Variants in NCEH1 observed in about 807,000 individuals in gnomAD.
NCEH1 encodes 2-acetyl MAGE hydrolase.
A neutral mutation model predicts 25.4 loss-of-function variants in NCEH1; 9 were observed. The ratio of observed to expected loss-of-function variants is 0.35; its 90% CI spans 0.21 to 0.62. NCEH1 has a LOEUF of 0.62. Among genes scored for constraint, NCEH1 ranks in the 20% least tolerant of loss-of-function variants. The pLI, the probability that NCEH1 is intolerant of heterozygous loss-of-function variation, is 0.72. For synonymous variants in NCEH1, 200 were observed against 199.8 expected (o/e 1.00, Z -0.01); for missense variants, 412 against 501.1 (o/e 0.82, Z 1.70).
At chr3:172,710,710 G>T in intron 1 of NCEH1, 137 bp downstream of exon 1, 2 of 903,764 alleles carry the variant, frequency 2.2e-6, no homozygotes, top group Non-Finnish European at 3.4e-6. Flanking sequence ...TTCCCGACTG[G>T]ACCACCTCAA....
chr3:172,705,975 G>T (rs930266896), intron 1 of NCEH1, among the ~76,000 whole-genome samples: 1 of 146,220 alleles, frequency 6.8e-6, no homozygotes, highest in Non-Finnish European at 1.5e-5. Context: ...TCCAGCCTGG[G>T]TGACACAGTG....
chr3:172,668,146 T>G (rs568942688), intron 1 of NCEH1, among the ~76,000 whole-genome samples: 1 of 152,184 alleles, frequency 6.6e-6, no homozygotes, highest in Non-Finnish European at 1.5e-5. Flanking sequence ...CTCACTGCAG[T>G]TGAAGAGCAG....
intron 1 of NCEH1, among the ~76,000 whole-genome samples, chr3:172,667,063 G>A (rs972637186): frequency 1.2e-4 from 18 of 152,154 alleles, no homozygotes; most frequent in African/African-American, 4.3e-4. Flanking sequence ...GTCCTTTGCT[G>A]TACACTGCAA....
Position 172,633,594 on chromosome 3 carries a change from G to C in NCEH1, c.1108C>G (p.Leu370Val), listed in dbSNP as rs1452576187. Reference sequence around the variant, plus strand: ...TGAAAGCCATCCTCAAAGTGATCCAGGGTCACCTCCACACCGGCACTCTCC... The same window carrying C: ...TGAAAGCCATCCTCAAAGTGATCCACGGTCACCTCCACACCGGCACTCTCC... ...RLESAGVEVT[L>V]DHFEDGFHGC... is the part of the protein sequence containing the mutation. Residue 370 changes from leucine to valine, a missense_variant, in exon 5 of 5, where the codon CTG becomes GTG. By Grantham distance (32) the Leu-to-Val change is conservative. Around this residue, in one of 3 missense-constraint regions of NCEH1, gnomAD observed 210 missense variants for 258.2 expected, o/e 0.81. Coordinates refer to ENST00000475381, the MANE Select transcript of NCEH1 (RefSeq NM_020792.6). 7 of 1,614,022 alleles carry C rather than the reference G, an allele frequency of 4.3e-6. No individual in the cohort carries two copies. In the African/African-American group the frequency reaches 9.3e-5, roughly 22 times the overall value.
rs377139864 is a variant in NCEH1, at chr3:172,648,758, A to G, written c.139-644T>C. On this transcript the variant is annotated intron_variant, in intron 1 of 4. Transcript: ENST00000475381. The stretch of plus-strand genomic sequence containing the variant: ...TATAACCAGAAGCTTTTTAGAAATG[A>G]GGCAAAGACCATACTGCCTGATGGT... 3.3e-5 allele frequency among the ~76,000 whole-genome samples: 5 copies of G among 152,316 alleles called. No individual in the cohort carries two copies. In the East Asian group the frequency reaches 9.7e-4, roughly 29 times the overall value.
intron 3 of NCEH1, among the ~76,000 whole-genome samples, chr3:172,638,861 T>C (rs1455659418): frequency 6.6e-6 from 1 of 152,178 alleles, no homozygotes; most frequent in Non-Finnish European, 1.5e-5. Context: ...TTGGCTTATA[T>C]AATAGGATAA....
intron 3 of NCEH1, among the ~76,000 whole-genome samples, chr3:172,637,663 C>G (rs1314070487): frequency 6.6e-6 from 1 of 151,996 alleles, no homozygotes; most frequent in Non-Finnish European, 1.5e-5. Flanking sequence ...CAGAGGCAGT[C>G]AGATCACCTG....
chr3:172,660,198 T>C (rs1717909301), intron 1 of NCEH1, among the ~76,000 whole-genome samples: 1 of 147,674 alleles, frequency 6.8e-6, no homozygotes. Flanking sequence ...ATTGTTCAAT[T>C]CCCATCTATG....
chr3:172,710,815 GAA>G (rs1029071573), intron 1 of NCEH1, 30 bp downstream of exon 1: 71 of 1,611,248 alleles, frequency 4.4e-5, no homozygotes, highest in Non-Finnish European at 5.3e-5. Flanking sequence ...GTAAGAGGAG[GAA>G]GAGAGAAGCA....
intron 1 of NCEH1, among the ~76,000 whole-genome samples, chr3:172,656,389 G>A (rs571887751): frequency 2.6e-5 from 4 of 152,138 alleles, no homozygotes; most frequent in Non-Finnish European, 5.9e-5. Context: ...ATTTATAGAC[G>A]GCAAGGAGGC....
In NCEH1 at chr3:172,633,084, G is replaced by A. The variant is rs78376688; in HGVS notation, c.*391C>T. The A allele has an allele frequency of 2.4e-3, 463 of 191,256 alleles. 2 individuals are homozygous for A. The highest frequency in any genetic ancestry group is 0.011 in the African/African-American group (449 of 42,144). 11.8% of individuals were successfully genotyped at this position (191,256 alleles called of 1,614,324 possible). On this transcript the variant is annotated 3_prime_UTR_variant, in exon 5 of 5. Coordinates refer to ENST00000475381, the MANE Select transcript of NCEH1 (RefSeq NM_020792.6). ...ACTCTAGCAGAATTAAGGAGTCCTC[G>A]TTTTTTTAACTTATTAAAGGTCACT...
intron 2 of NCEH1, among the ~76,000 whole-genome samples, chr3:172,647,607 T>A (rs1419805188): frequency 6.6e-6 from 1 of 152,180 alleles, no homozygotes; most frequent in Non-Finnish European, 1.5e-5. Flanking sequence ...TCATAGGAAA[T>A]ATTTTTACAA....
intron 4 of NCEH1, 65 bp from the exon 5 acceptor site, chr3:172,634,157 T>G: frequency 6.8e-7 from 1 of 1,465,014 alleles, no homozygotes; most frequent in East Asian, 2.3e-5. Flanking sequence ...AACCATACCC[T>G]GTAGAGTAGC....
intron 1 of NCEH1, among the ~76,000 whole-genome samples, chr3:172,679,085 A>C (rs1712193878): frequency 6.6e-6 from 1 of 152,176 alleles, no homozygotes; most frequent in Non-Finnish European, 1.5e-5. Context: ...ACTGGCTAGC[A>C]ACTTAGAACT....
chr3:172,706,856 T>C (rs1714031182), intron 1 of NCEH1, among the ~76,000 whole-genome samples: 1 of 152,200 alleles, frequency 6.6e-6, no homozygotes, highest in Admixed American at 6.5e-5. Flanking sequence ...TCGATTTTAC[T>C]TCACGTTTAT....
chr3:172,710,737 T>C, intron 1 of NCEH1, 110 bp downstream of exon 1: 11 of 1,229,208 alleles, frequency 8.9e-6, no homozygotes, highest in Non-Finnish European at 1.1e-5. Context: ...ACAGCCTCAA[T>C]GCATTAGGAA....
intron 1 of NCEH1, among the ~76,000 whole-genome samples, chr3:172,675,762 C>G (rs909438253): frequency 1.3e-5 from 2 of 152,146 alleles, no homozygotes; most frequent in Non-Finnish European, 2.9e-5. Context: ...GTTAACGTTT[C>G]TGGTAATGTA....
chr3:172,684,993 C>CA (rs1289946285), intron 1 of NCEH1, among the ~76,000 whole-genome samples: 53 of 148,022 alleles, frequency 3.6e-4, no homozygotes, highest in African/African-American at 1.2e-3. Context: ...CTCCCATCCC[C>CA]AAAAAAAAGA....
At chr3:172,644,134 T>C (rs1190067097) in intron 3 of NCEH1, among the ~76,000 whole-genome samples, 4 of 151,540 alleles carry the variant, frequency 2.6e-5, no homozygotes, top group South Asian at 2.1e-4. Context: ...TGGGTGACTC[T>C]AGGGCTTTTG....
Sources: gnomAD v4.1 joint callset for allele counts (sites outside exome capture counted in the v4.1 genomes callset) on GRCh38, gnomAD v4.1.1 for gene constraint, gnomAD v4.1.1 regional missense constraint, MANE v1.5 for transcripts, NCBI Gene and HGNC (gene_info 2026-07-23, HGNC 2026-07-21) for gene names.